The following KCNQ3 variants were observed in gnomAD, a reference collection of about 807,000 sequenced individuals.
KCNQ3 encodes potassium voltage-gated channel subfamily Q member 3.
KCNQ3 carries 30 observed loss-of-function variants against 92.5 expected under a neutral mutation model. That is an observed-to-expected ratio of 0.32 (90% CI 0.24 to 0.44). The LOEUF (loss-of-function observed/expected upper bound fraction) is 0.44. KCNQ3 is among the 20% of genes least tolerant of loss of function. The probability of loss-of-function intolerance (pLI) is 1.00; values close to 1 mark genes in which losing one functional copy is unlikely to be tolerated. For missense variants in KCNQ3, 913 were observed against 1,140.3 expected, an observed-to-expected ratio of 0.80 and a Z score of 2.87; for synonymous variants, 450 against 468.8, an observed-to-expected ratio of 0.96 and a Z score of 0.52.
chr8:132,140,871 C>A, intron 10 of KCNQ3: 2 of 527,398 alleles, frequency 3.8e-6, no homozygotes, highest in Non-Finnish European at 6.8e-6. Context: ...GGGGCGGACC[C>A]TTAGAAACCA....
intron 1 of KCNQ3, among the ~76,000 whole-genome samples, chr8:132,246,203 C>T (rs1815171195): frequency 6.6e-6 from 1 of 152,122 alleles, no homozygotes; most frequent in Non-Finnish European, 1.5e-5. Flanking sequence ...TGTGCAAGTG[C>T]CCAGAGCCCT....
At chr8:132,421,480 G>A (rs536591068) in intron 1 of KCNQ3, among the ~76,000 whole-genome samples, 2 of 152,170 alleles carry the variant, frequency 1.3e-5, no homozygotes, top group South Asian at 2.1e-4. Flanking sequence ...CAGGAAGAGC[G>A]CAGAGGAGCA....
intron 1 of KCNQ3, among the ~76,000 whole-genome samples, chr8:132,469,684 C>A (rs1822254445): frequency 6.6e-6 from 1 of 151,682 alleles, no homozygotes; most frequent in South Asian, 2.1e-4. Flanking sequence ...CAGACCCAAA[C>A]CAAAGAGAAA....
intron 1 of KCNQ3, among the ~76,000 whole-genome samples, chr8:132,207,556 A>T (rs1813702653): frequency 6.6e-6 from 1 of 152,142 alleles, no homozygotes; most frequent in East Asian, 1.9e-4. Flanking sequence ...CAGCCTTTTC[A>T]ACCACTTCCA....
chr8:132,455,163 CT>C (rs1292538620), intron 1 of KCNQ3, among the ~76,000 whole-genome samples: 2 of 152,304 alleles, frequency 1.3e-5, no homozygotes, highest in Admixed American at 1.3e-4. Context: ...GTTGCCCAGG[CT>C]GGAATACAGT....
chr8:132,267,486 A>G (rs540822624), intron 1 of KCNQ3, among the ~76,000 whole-genome samples: 24 of 152,288 alleles, frequency 1.6e-4, no homozygotes, highest in African/African-American at 5.5e-4. Context: ...TCTCAAACCA[A>G]CACTTTGAAC....
intron 1 of KCNQ3, among the ~76,000 whole-genome samples, chr8:132,440,557 TA>T (rs1821511058): frequency 6.6e-6 from 1 of 152,120 alleles, no homozygotes; most frequent in Non-Finnish European, 1.5e-5. Context: ...TTGTGCAGCG[TA>T]GTTCTCCATG....
intron 1 of KCNQ3, among the ~76,000 whole-genome samples, chr8:132,361,053 T>C (rs766832279): frequency 2.6e-5 from 4 of 152,150 alleles, no homozygotes; most frequent in Non-Finnish European, 5.9e-5. Context: ...TTCCACCCTC[T>C]CATCTAATAA....
At chr8:132,287,319 G>C (rs909227978) in intron 1 of KCNQ3, among the ~76,000 whole-genome samples, 4 of 152,226 alleles carry the variant, frequency 2.6e-5, no homozygotes, top group African/African-American at 9.6e-5. Flanking sequence ...AAACCAGAGA[G>C]AGTGGTTAAA....
chr8:132,440,033 C>T (rs987172115), intron 1 of KCNQ3, among the ~76,000 whole-genome samples: 19 of 152,148 alleles, frequency 1.2e-4, no homozygotes, highest in African/African-American at 2.7e-4. Flanking sequence ...AACATCCTTC[C>T]GTATACTTTA....
chr8:132,132,144 A>C, intron 14 of KCNQ3, 36 bp downstream of exon 14: 1 of 1,275,400 alleles, frequency 7.8e-7, no homozygotes, highest in Non-Finnish European at 1.1e-6. Context: ...TAAATGTCAC[A>C]GATCCAGTTT....
intron 1 of KCNQ3, among the ~76,000 whole-genome samples, chr8:132,431,248 C>G (rs1322502120): frequency 6.6e-6 from 1 of 152,206 alleles, no homozygotes; most frequent in South Asian, 2.1e-4. Flanking sequence ...CCATGTGTCA[C>G]TAGCCGGGGA....
intron 1 of KCNQ3, among the ~76,000 whole-genome samples, chr8:132,212,284 C>G (rs1375012242): frequency 6.6e-6 from 1 of 152,096 alleles, no homozygotes; most frequent in Non-Finnish European, 1.5e-5. Flanking sequence ...TCACCACTGG[C>G]TTCAGCACCA....
intron 1 of KCNQ3, among the ~76,000 whole-genome samples, chr8:132,304,919 G>A (rs1817369841): frequency 6.6e-6 from 1 of 152,148 alleles, no homozygotes; most frequent in Admixed American, 6.5e-5. Context: ...AATATCGATT[G>A]GGAAATGAGG....
Position 132,128,026 on chromosome 8 carries a change from A to G in KCNQ3, c.*1236T>C, listed in dbSNP as rs569603082. 1 of 152,364 alleles carries G rather than the reference A, an allele frequency of 6.6e-6. No individual in the cohort carries two copies. Among genetic ancestry groups the G allele is most frequent in the East Asian group, 1.9e-4 (1 of 5,186 alleles). 9.4% of individuals were successfully genotyped at this position (152,364 alleles called of 1,614,324 possible). A position where few individuals can be genotyped will look rare whatever the true frequency, so the allele number is the denominator to read the frequency against. On this transcript the variant is annotated 3_prime_UTR_variant, in exon 15 of 15. Coordinates refer to ENST00000388996, the MANE Select transcript of KCNQ3 (RefSeq NM_004519.4). ...TGCATTATTTTTTTCTAGATCTGAA[A>G]TGCATTGCATCAAGCAAGCATGTTT...
intron 1 of KCNQ3, among the ~76,000 whole-genome samples, chr8:132,320,782 T>C (rs999511902): frequency 5.9e-5 from 9 of 152,138 alleles, no homozygotes; most frequent in East Asian, 1.9e-4. Flanking sequence ...CTGTTATTTA[T>C]AACAGAAGAG....
intron 1 of KCNQ3, among the ~76,000 whole-genome samples, chr8:132,299,538 T>C (rs1016696890): frequency 1.6e-4 from 25 of 152,156 alleles, no homozygotes; most frequent in Admixed American, 7.9e-4. Context: ...CAAATTCTGA[T>C]GGACCAGACC....
intron 1 of KCNQ3, among the ~76,000 whole-genome samples, chr8:132,386,974 C>T (rs1819906501): frequency 6.6e-6 from 1 of 152,108 alleles, no homozygotes; most frequent in Non-Finnish European, 1.5e-5. Context: ...GATGGATATG[C>T]TAGTTACTCT....
intron 10 of KCNQ3, 95 bp from the exon 11 acceptor site, chr8:132,140,273 G>A (rs1321115736): frequency 3.9e-6 from 3 of 776,228 alleles, no homozygotes; most frequent in African/African-American, 1.7e-5. Context: ...GCCTCTGGAT[G>A]TGTCAATCCC....
Sources: gnomAD v4.1 joint callset for allele counts (sites outside exome capture counted in the v4.1 genomes callset) on GRCh38, gnomAD v4.1.1 for gene constraint, MANE v1.5 for transcripts, NCBI Gene and HGNC (gene_info 2026-07-23, HGNC 2026-07-21) for gene names.